The following RGS7 variants were observed in gnomAD, a reference collection of about 807,000 sequenced individuals.
The protein encoded by RGS7 is regulator of G protein signaling 7, also known as regulator of G-protein signaling 7.
Under a neutral mutation model 81.1 loss-of-function variants are expected in RGS7, and 27 were observed. That is an observed-to-expected ratio of 0.33 (90% CI 0.25 to 0.46). The LOEUF is 0.46. Ranked by LOEUF, RGS7 falls within the 20% of genes least tolerant of loss-of-function variation. The pLI, the probability that RGS7 is intolerant of heterozygous loss-of-function variation, is 1.00. For synonymous variants in RGS7, 208 were observed against 207.7 expected (o/e 1.00, Z -0.01); for missense variants, 396 against 607.4 (o/e 0.65, Z 3.66).
At chr1:240,919,787 G>A in intron 6 of RGS7, 1 of 716,142 alleles carries the variant, frequency 1.4e-6, no homozygotes, top group South Asian at 1.5e-5. Flanking sequence ...GTGTGGTAAT[G>A]AGAGATTCAA....
chr1:241,046,186 A>T (rs2148788278), intron 3 of RGS7, among the ~76,000 whole-genome samples: 1 of 152,240 alleles, frequency 6.6e-6, no homozygotes, highest in East Asian at 1.9e-4. Flanking sequence ...CAGGTTCAGT[A>T]GTACATGTGC....
intron 9 of RGS7, among the ~76,000 whole-genome samples, chr1:240,829,502 G>A (rs985884219): frequency 1.3e-5 from 2 of 152,138 alleles, no homozygotes; most frequent in Non-Finnish European, 2.9e-5. Context: ...ACAAAGACAA[G>A]GTTTTTAAAA....
At chr1:241,047,269 G>A (rs1314631197) in intron 3 of RGS7, among the ~76,000 whole-genome samples, 1 of 152,170 alleles carries the variant, frequency 6.6e-6, no homozygotes, top group Non-Finnish European at 1.5e-5. Flanking sequence ...CTCCCATGGT[G>A]ATTTTAGCTT....
chr1:241,089,596 T>A (rs923104396), intron 3 of RGS7, among the ~76,000 whole-genome samples: 5 of 152,118 alleles, frequency 3.3e-5, no homozygotes, highest in Admixed American at 6.5e-5. Context: ...ACCCTCCAAC[T>A]AATCCTCCAT....
At chr1:241,005,349 G>A (rs541175038) in intron 3 of RGS7, among the ~76,000 whole-genome samples, 2 of 152,022 alleles carry the variant, frequency 1.3e-5, no homozygotes, top group Non-Finnish European at 2.9e-5. Flanking sequence ...TATGCACCAC[G>A]TCGATTAAGG....
intron 9 of RGS7, among the ~76,000 whole-genome samples, chr1:240,847,032 G>A (rs577758264): frequency 6.6e-6 from 1 of 152,226 alleles, no homozygotes; most frequent in East Asian, 1.9e-4. Context: ...GTGAATATTT[G>A]TTGTTTTATT....
chr1:241,053,972 C>G (rs1025396791), intron 3 of RGS7, among the ~76,000 whole-genome samples: 3 of 152,112 alleles, frequency 2.0e-5, no homozygotes, highest in African/African-American at 7.2e-5. Flanking sequence ...TATAAATTAT[C>G]CAGTCTCGGG....
At chr1:241,063,386 T>C (rs1306375852) in intron 3 of RGS7, among the ~76,000 whole-genome samples, 1 of 152,138 alleles carries the variant, frequency 6.6e-6, no homozygotes, top group African/African-American at 2.4e-5. Context: ...AAAAAGGCAG[T>C]AAATGTCTTG....
At chr1:241,250,946 C>T (rs1183405614) in intron 2 of RGS7, among the ~76,000 whole-genome samples, 1 of 152,188 alleles carries the variant, frequency 6.6e-6, no homozygotes, top group East Asian at 1.9e-4. Flanking sequence ...CTATGCCTTG[C>T]TCATCTTTAA....
chr1:240,796,614 A>G (rs1036643066), intron 18 of RGS7, among the ~76,000 whole-genome samples: 3 of 152,170 alleles, frequency 2.0e-5, no homozygotes, highest in Non-Finnish European at 2.9e-5. Context: ...TGAACCATGG[A>G]GGTAGAGGTT....
Position 241,125,223 on chromosome 1 carries a change from G to C in RGS7, c.79-26461C>G, listed in dbSNP as rs768746566. Among the ~76,000 whole-genome samples the C allele has an allele frequency of 2.6e-4, 39 of 152,122 alleles. 1 individual carries two copies. Among genetic ancestry groups the C allele is most frequent in the Non-Finnish European group, 5.0e-4 (34 of 68,018 alleles). On this transcript the variant is annotated intron_variant, in intron 2 of 18. Coordinates refer to ENST00000440928, the MANE Select transcript of RGS7 (RefSeq NM_001364886.1). Reference sequence around the variant, plus strand: ...CGGTCATTTTCTGGGCCTGCACCATGCAGAGTCCAAACTCAGTTCTTCCAC... The same window carrying C: ...CGGTCATTTTCTGGGCCTGCACCATCCAGAGTCCAAACTCAGTTCTTCCAC...
At chr1:240,882,706 A>AT (rs200827080) in intron 6 of RGS7, among the ~76,000 whole-genome samples, 247 of 151,734 alleles carry the variant, frequency 1.6e-3, no homozygotes, top group African/African-American at 5.6e-3. Flanking sequence ...CTTGGGGTCC[A>AT]TTTTTTTTCA....
chr1:240,883,827 G>A (rs1666849150), intron 6 of RGS7, among the ~76,000 whole-genome samples: 1 of 152,140 alleles, frequency 6.6e-6, no homozygotes, highest in African/African-American at 2.4e-5. Flanking sequence ...TATAATCCCA[G>A]CACTTTGGGA....
chr1:241,263,866 T>A (rs968115042), intron 2 of RGS7, among the ~76,000 whole-genome samples: 6 of 152,182 alleles, frequency 3.9e-5, no homozygotes, highest in Non-Finnish European at 8.8e-5. Context: ...CAGGCCTGGG[T>A]GCTCTTATAT....
intron 6 of RGS7, among the ~76,000 whole-genome samples, chr1:240,902,460 A>G (rs1670172999): frequency 6.6e-6 from 1 of 152,124 alleles, no homozygotes; most frequent in Admixed American, 6.5e-5. Context: ...CACCTTTAAC[A>G]GGGAAATTTT....
intron 4 of RGS7, among the ~76,000 whole-genome samples, chr1:240,947,494 C>A (rs1489275210): frequency 1.3e-5 from 2 of 152,068 alleles, no homozygotes; most frequent in Admixed American, 1.3e-4. Context: ...CTGCTCGGAC[C>A]AAAAAGCTTG....
chr1:240,787,811 A>G (rs1558250270), intron 18 of RGS7, among the ~76,000 whole-genome samples: 1 of 152,218 alleles, frequency 6.6e-6, no homozygotes. Flanking sequence ...CAAAACACAA[A>G]ATTAGGGACA....
intron 2 of RGS7, among the ~76,000 whole-genome samples, chr1:241,300,480 T>C (rs1558290232): frequency 6.6e-6 from 1 of 152,244 alleles, no homozygotes; most frequent in Non-Finnish European, 1.5e-5. Context: ...CTCCATAGTT[T>C]TGCCTTTTCC....
chr1:240,894,563 T>C (rs1156904384), intron 6 of RGS7, among the ~76,000 whole-genome samples: 1 of 152,148 alleles, frequency 6.6e-6, no homozygotes, highest in Non-Finnish European at 1.5e-5. Context: ...ATAACGACCA[T>C]ATTTATTTGT....
Sources: allele counts gnomAD v4.1 joint callset (sites outside exome capture counted in the v4.1 genomes callset), GRCh38; gene constraint gnomAD v4.1.1; transcripts MANE v1.5; gene names NCBI Gene and HGNC (gene_info 2026-07-23, HGNC 2026-07-21).